GCKR: variants seen among roughly 807,000 people sequenced by gnomAD.
GCKR encodes the protein glucokinase regulatory protein.
Under a neutral mutation model 82.9 loss-of-function variants are expected in GCKR, and 73 were observed. The ratio of observed to expected loss-of-function variants is 0.88; its 90% confidence interval spans 0.73 to 1.07. The LOEUF (loss-of-function observed/expected upper bound fraction) is 1.07. Ranked by LOEUF, GCKR falls within the 50% of genes least tolerant of loss-of-function variation. The pLI is 0.00. For synonymous variants in GCKR, 294 were observed against 291.8 expected (o/e 1.01, Z -0.08); for missense variants, 784 against 782.1 (o/e 1.00, Z -0.03).
chr2:27,518,674 A>C, intron 16 of GCKR, 114 bp from the exon 17 acceptor site: 1 of 853,538 alleles, frequency 1.2e-6, no homozygotes. Flanking sequence ...TCATGTTTGC[A>C]TTTTGGTCCC....
At chr2:27,518,705 C>T in intron 16 of GCKR, 83 bp from the exon 17 acceptor site, 1 of 1,133,480 alleles carries the variant, frequency 8.8e-7, no homozygotes, top group Non-Finnish European at 1.3e-6. Context: ...CAGTTGGTTT[C>T]CTGTCTGATA....
chr2:27,498,766 CTT>C lies in GCKR; in HGVS notation c.399_400del (p.Tyr134HisfsTer8). ...QLMKGLGQKPLYTYLIAGGDR... is the reference protein window; with the variant it reads ...QLMKGLGQKPXYTYLIAGGDR... ...GATGAAAGGTCTGGGACAGAAACCT[CTT>C]TACACCTACCTCATTGCAGGTGGTG... is the stretch of plus-strand genomic sequence containing the variant. On this transcript the variant is annotated frameshift_variant, in exon 5 of 19. Coordinates refer to ENST00000264717, the MANE Select transcript of GCKR (RefSeq NM_001486.4). LOFTEE classifies it high-confidence loss of function. The C allele has an allele frequency of 5.0e-6, 8 of 1,608,526 alleles. No homozygotes were observed. Among genetic ancestry groups the C allele is most frequent in the Non-Finnish European group, 6.8e-6 (8 of 1,174,866 alleles).
intron 17 of GCKR, among the ~76,000 whole-genome samples, chr2:27,520,158 A>C (rs1404063990): frequency 6.6e-6 from 1 of 152,138 alleles, no homozygotes. Flanking sequence ...AAAATCTGGC[A>C]ACCCTATGTG....
intron 12 of GCKR, 58 bp downstream of exon 12, chr2:27,506,943 G>A: frequency 8.6e-7 from 1 of 1,157,180 alleles, no homozygotes; most frequent in Non-Finnish European, 1.3e-6. Context: ...CATTCGGGCT[G>A]CTCTCCAAAC....
intron 9 of GCKR, 137 bp from the exon 10 acceptor site, chr2:27,505,581 G>A: frequency 2.8e-6 from 2 of 709,026 alleles, no homozygotes; most frequent in South Asian, 1.4e-5. Context: ...TCTCGGTCAA[G>A]CCCACCCCAG....
chr2:27,523,561 G>T lies in GCKR; in HGVS notation c.*122G>T. The T allele has an allele frequency of 1.1e-6, 1 of 935,256 alleles. No homozygotes were observed. The allele number at this position is 935,256 out of a possible 1,614,324, so 57.9% of individuals were successfully genotyped here. On this transcript the variant is annotated 3_prime_UTR_variant, in exon 19 of 19. Transcript: ENST00000264717. ...AAGCCCCGTTTCCAGGGCATCCGCA[G>T]CCCAGGGTAGGGAGAAATATTCTCT...
intron 16 of GCKR, among the ~76,000 whole-genome samples, chr2:27,514,313 T>C (rs1669955007): frequency 6.6e-6 from 1 of 152,126 alleles, no homozygotes; most frequent in African/African-American, 2.4e-5. Context: ...ACTGTATATA[T>C]ATTCCCACTC....
At chr2:27,518,406 G>A (rs1420183073) in intron 16 of GCKR, among the ~76,000 whole-genome samples, 1 of 152,168 alleles carries the variant, frequency 6.6e-6, no homozygotes, top group Non-Finnish European at 1.5e-5. Context: ...TGGGGCCCTG[G>A]AGCAGAATAA....
At position 27,505,689 on chromosome 2, in the gene GCKR, A is replaced by G. The variant is rs372662935; in HGVS notation, c.751-29A>G. 312 of 1,255,426 alleles carry G rather than the reference A, an allele frequency of 2.5e-4. No individual in the cohort carries two copies. Among genetic ancestry groups the G allele is most frequent in the Middle Eastern group, 2.1e-3 (9 of 4,194 alleles). 77.8% of individuals were successfully genotyped at this position (1,255,426 alleles called of 1,614,324 possible). On this transcript the variant is annotated intron_variant, in intron 9 of 18. Coordinates refer to ENST00000264717, the MANE Select transcript of GCKR (RefSeq NM_001486.4). ...TCTACGGGGTCTTCATCCTCTCCCA[A>G]TTCCTCTTGGGTGTCTTCACCTCTT...
intron 7 of GCKR, among the ~76,000 whole-genome samples, chr2:27,500,439 C>A (rs1224562718): frequency 1.3e-5 from 2 of 152,184 alleles, no homozygotes; most frequent in Non-Finnish European, 2.9e-5. Flanking sequence ...TGTCCAGCCC[C>A]TAAAATAAAG....
rs1558436975 is a variant in GCKR, at chr2:27,505,960, T to TC, written c.869+128dup. On this transcript the variant is annotated intron_variant, in intron 10 of 18. Coordinates refer to ENST00000264717, the MANE Select transcript of GCKR (RefSeq NM_001486.4). ...CAGTAAGACTGCAGCCCACCACGCCTCCCCTGGGAAGGGAGCTGGGTAGTA... is the reference window on the plus strand; with the variant it reads ...CAGTAAGACTGCAGCCCACCACGCCTCCCCCTGGGAAGGGAGCTGGGTAGTA... The TC allele has an allele frequency of 5.3e-6, 4 of 751,010 alleles. No homozygotes were observed. In the African/African-American group the frequency reaches 6.8e-5, roughly 13 times the overall value. 46.5% of individuals were successfully genotyped at this position (751,010 alleles called of 1,614,324 possible). A position where few individuals can be genotyped will look rare whatever the true frequency, so the allele number is the denominator to read the frequency against.
At chr2:27,498,611 A>G in intron 4 of GCKR, 113 bp from the exon 5 acceptor site, 1 of 760,416 alleles carries the variant, frequency 1.3e-6, no homozygotes, top group South Asian at 1.4e-5. Context: ...GGACTGGGTT[A>G]AGCACTGGTC....
At position 27,523,596 on chromosome 2, in the gene GCKR, G is replaced by A. The variant is rs150757538; in HGVS notation, c.*157G>A. On this transcript the variant is annotated 3_prime_UTR_variant, in exon 19 of 19. Coordinates refer to ENST00000264717, the MANE Select transcript of GCKR (RefSeq NM_001486.4). ...GGGAGAAATATTCTCTCCACTTTGG[G>A]GGAGAGTTCTTGCTCTCGACCTAGT... The A allele has an allele frequency of 4.9e-4, 350 of 711,006 alleles. 4 individuals carry two copies. In the East Asian group the frequency reaches 7.2e-3, roughly 15 times the overall value. The allele number at this position is 711,006 out of a possible 1,614,324, so 44.0% of individuals were successfully genotyped here.
intron 16 of GCKR, among the ~76,000 whole-genome samples, chr2:27,512,065 C>G (rs547213601): frequency 2.4e-4 from 37 of 151,844 alleles, no homozygotes; most frequent in Admixed American, 2.6e-4. Context: ...ATGGTGAAAC[C>G]TGATCTCTAC....
At chr2:27,512,428 G>C (rs375318290) in intron 16 of GCKR, among the ~76,000 whole-genome samples, 1 of 149,546 alleles carries the variant, frequency 6.7e-6, no homozygotes, top group Non-Finnish European at 1.5e-5. Flanking sequence ...CCAGCTACTC[G>C]GGAGGCTGAG....
chr2:27,518,952 G>A lies in GCKR; in HGVS notation c.1572+15G>A. Reference sequence around the variant, plus strand: ...CCATGCTGCAGGTAGGGATATGATGGGGCAGGGTTGGGTGGGACCTGGCCT... The same window carrying A: ...CCATGCTGCAGGTAGGGATATGATGAGGCAGGGTTGGGTGGGACCTGGCCT... On this transcript the variant is annotated intron_variant, in intron 17 of 18. Transcript: ENST00000264717. The A allele has an allele frequency of 6.3e-7, 1 of 1,596,558 alleles. No homozygotes were observed. The highest frequency in any genetic ancestry group is 8.6e-7 in the Non-Finnish European group (1 of 1,165,984).
rs148344193 is a variant in GCKR, at chr2:27,520,827, G to A, written c.1573-1633G>A. ...GAAGCAGGCAGATCACTTGAGGTCA[G>A]GAGTTCGAGACCAGCCTGGCCAACA... On this transcript the variant is annotated intron_variant, in intron 17 of 18. Transcript: ENST00000264717. 4.7e-3 allele frequency among the ~76,000 whole-genome samples: 712 copies of A among 152,132 alleles called. 8 individuals carry two copies. The highest frequency in any genetic ancestry group is 0.016 in the African/African-American group (672 of 41,492).
At chr2:27,519,225 G>C (rs922430498) in intron 17 of GCKR, among the ~76,000 whole-genome samples, 1 of 151,990 alleles carries the variant, frequency 6.6e-6, no homozygotes, top group Admixed American at 6.6e-5. Flanking sequence ...TGATATAACT[G>C]AACAATCTTA....
chr2:27,515,648 A>G (rs575242375), intron 16 of GCKR, among the ~76,000 whole-genome samples: 1 of 151,718 alleles, frequency 6.6e-6, no homozygotes, highest in African/African-American at 2.4e-5. Flanking sequence ...TTCTTTTTTA[A>G]ACACTTAGAT....
Sources: allele counts gnomAD v4.1 joint callset (sites outside exome capture counted in the v4.1 genomes callset), GRCh38; gene constraint gnomAD v4.1.1; transcripts MANE v1.5; gene names NCBI Gene and HGNC (gene_info 2026-07-23, HGNC 2026-07-21).